CNTNAP3B: variants seen among roughly 807,000 people sequenced by gnomAD.
CNTNAP3B encodes contactin associated protein family member 3B, also known as contactin-associated protein-like 3B.
CNTNAP3B carries 25 observed loss-of-function variants against 108.9 expected under a neutral mutation model. That is an observed-to-expected ratio of 0.23 (90% CI 0.17 to 0.32). The LOEUF (loss-of-function observed/expected upper bound fraction) is 0.32. Among genes scored for constraint, CNTNAP3B ranks in the 10% least tolerant of loss-of-function variants. The pLI is 1.00. For missense variants in CNTNAP3B, 252 were observed against 1,210.4 expected (o/e 0.21, Z 11.75); for synonymous variants, 103 against 473.4 (o/e 0.22, Z 10.16).
At chr9:41,963,056 A>T (rs1825154207) in intron 11 of CNTNAP3B, among the ~76,000 whole-genome samples, 1 of 152,386 alleles carries the variant, frequency 6.6e-6, no homozygotes, top group Non-Finnish European at 1.5e-5. Context: ...TCAATCTGTG[A>T]GAGTCACTCC....
At position 42,030,809 on chromosome 9, in the gene CNTNAP3B, GAGAGGAGA is replaced by G. The variant is rs1334180019; in HGVS notation, c.391-17292_391-17285del. Among the ~76,000 whole-genome samples, 39 of 80,670 alleles carry G rather than the reference GAGAGGAGA, an allele frequency of 4.8e-4. 1 individual carries two copies. Among genetic ancestry groups the G allele is most frequent in the African/African-American group, 1.7e-3 (33 of 19,078 alleles). 52.9% of individuals were successfully genotyped at this position (80,670 alleles called of 152,430 possible). On this transcript the variant is annotated intron_variant, in intron 3 of 23. Coordinates refer to ENST00000377561, the MANE Select transcript of CNTNAP3B (RefSeq NM_001201380.3). ...GATGTGTGCGAGAGAGAGAGAGAGA[GAGAGGAGA>G]GAGAGAGAGAGAGAGAGAGAGAGAG...
rs1587130432 is a variant in CNTNAP3B at position 41,944,449 on chromosome 9, T to A, written c.2081-6049A>T. ...GCTGTGTTATAAAGTACCAGCACCA[T>A]TAATGAAGTGGAATAGTGTTATTTG... On this transcript the variant is annotated intron_variant, in intron 13 of 23. Coordinates refer to ENST00000377561, the MANE Select transcript of CNTNAP3B (RefSeq NM_001201380.3). Among the ~76,000 whole-genome samples the A allele has an allele frequency of 3.9e-5, 6 of 152,322 alleles. No individual in the cohort carries two copies. In the South Asian group the frequency reaches 1.2e-3, roughly 32 times the overall value.
At chr9:42,001,878 A>G (rs947020551) in intron 4 of CNTNAP3B, among the ~76,000 whole-genome samples, 4 of 130,972 alleles carry the variant, frequency 3.1e-5, no homozygotes, top group African/African-American at 1.3e-4. Flanking sequence ...CTAGTACACT[A>G]GAGTATATAC....
rs1396411834 is a variant in CNTNAP3B, at chr9:42,086,245, C to T, written c.197-9183G>A. On this transcript the variant is annotated intron_variant, in intron 2 of 23. Transcript: ENST00000377561. ...ACTACGAGAACAGTATGGGGGAAAC[C>T]GCCCCCATGATTCAGTTATCTCCCA... Among the ~76,000 whole-genome samples the T allele has an allele frequency of 2.7e-3, 383 of 141,680 alleles. 2 individuals are homozygous for T. Among genetic ancestry groups the T allele is most frequent in the African/African-American group, 0.01 (366 of 36,178 alleles). 92.9% of individuals were successfully genotyped at this position (141,680 alleles called of 152,430 possible). A position where few individuals can be genotyped will look rare whatever the true frequency, so the allele number is the denominator to read the frequency against.
chr9:42,104,700 G>T lies in CNTNAP3B; in HGVS notation c.125C>A (p.Ser42Ter). The T allele has an allele frequency of 8.7e-7, 1 of 1,152,200 alleles. No homozygotes were observed. Among genetic ancestry groups the T allele is most frequent in the Non-Finnish European group, 1.2e-6 (1 of 850,536 alleles). 71.4% of individuals were successfully genotyped at this position (1,152,200 alleles called of 1,614,324 possible). A position where few individuals can be genotyped will look rare whatever the true frequency, so the allele number is the denominator to read the frequency against. ...DSPLASALPR[S>*]SFSSSSELSS... ...CAGCTCTGAGGAGCTGCTGAAGGATGACCTAGGCAAGGCAGAGGCCAGTGG... is the reference window on the plus strand; with the variant it reads ...CAGCTCTGAGGAGCTGCTGAAGGATTACCTAGGCAAGGCAGAGGCCAGTGG... Residue 42 changes from serine (S) to a stop codon, truncating the protein, a stop_gained, in exon 2 of 24, where the codon TCA (serine) becomes TAA (stop). Transcript: ENST00000377561. LOFTEE classifies it high-confidence loss of function.
chr9:42,029,481 A>C (rs1452241582), intron 3 of CNTNAP3B, among the ~76,000 whole-genome samples: 1 of 123,478 alleles, frequency 8.1e-6, no homozygotes, highest in Non-Finnish European at 1.7e-5. Context: ...CCTTGTTGAC[A>C]TACAAAATAA....
At chr9:42,111,975 A>T (rs1417533356) in intron 1 of CNTNAP3B, among the ~76,000 whole-genome samples, 1 of 139,084 alleles carries the variant, frequency 7.2e-6, no homozygotes, top group Non-Finnish European at 1.5e-5. Flanking sequence ...GCTCCAATGG[A>T]TCCCCACTGC....
intron 3 of CNTNAP3B, among the ~76,000 whole-genome samples, chr9:42,032,739 G>A (rs1419094268): frequency 7.6e-6 from 1 of 132,286 alleles, no homozygotes; most frequent in African/African-American, 3.0e-5. Flanking sequence ...TGCAGACTGG[G>A]AGGTTTAAAT....
intron 3 of CNTNAP3B, among the ~76,000 whole-genome samples, chr9:42,060,014 T>C (rs1254798916): frequency 6.6e-6 from 1 of 151,360 alleles, no homozygotes; most frequent in Non-Finnish European, 1.5e-5. Context: ...GGATTTTTTT[T>C]CTTCTTTTTC....
intron 3 of CNTNAP3B, among the ~76,000 whole-genome samples, chr9:42,029,172 G>T (rs569878763): frequency 7.8e-6 from 1 of 127,568 alleles, no homozygotes; most frequent in Non-Finnish European, 1.7e-5. Context: ...GAGACCCCAG[G>T]GTGACTAATT....
intron 11 of CNTNAP3B, among the ~76,000 whole-genome samples, chr9:41,964,254 T>A (rs1186498316): frequency 8.6e-5 from 13 of 152,020 alleles, no homozygotes; most frequent in African/African-American, 2.9e-4. Context: ...ATTTTTAATT[T>A]AATTTAGTTT....
chr9:42,118,568 T>A lies in CNTNAP3B; in HGVS notation c.85+10442A>T, dbSNP rs1354897782. ...ATCTATGACAAACCCACAGCCAATATCATACTGAATGGACAAAAACTGGAA... is the reference window on the plus strand; with the variant it reads ...ATCTATGACAAACCCACAGCCAATAACATACTGAATGGACAAAAACTGGAA... On this transcript the variant is annotated intron_variant, in intron 1 of 23. Coordinates refer to ENST00000377561, the MANE Select transcript of CNTNAP3B (RefSeq NM_001201380.3). Among the ~76,000 whole-genome samples the A allele has an allele frequency of 3.9e-5, 5 of 127,084 alleles. 1 individual carries two copies. Among genetic ancestry groups the A allele is most frequent in the African/African-American group, 1.6e-4 (5 of 31,202 alleles). The allele number at this position is 127,084 out of a possible 152,430, so 83.4% of individuals were successfully genotyped here. A position where few individuals can be genotyped will look rare whatever the true frequency, so the allele number is the denominator to read the frequency against.
At chr9:41,933,725 G>C (rs1191798520) in intron 14 of CNTNAP3B, among the ~76,000 whole-genome samples, 3 of 152,252 alleles carry the variant, frequency 2.0e-5, no homozygotes, top group African/African-American at 7.2e-5. Flanking sequence ...TGCCAGGTTT[G>C]TTTCTTTTCC....
intron 2 of CNTNAP3B, among the ~76,000 whole-genome samples, chr9:42,095,732 T>C (rs1484433041): frequency 1.4e-5 from 2 of 138,554 alleles, no homozygotes; most frequent in Non-Finnish European, 3.1e-5. Flanking sequence ...GGGATAAGCC[T>C]GTCAGTTCGT....
chr9:42,103,363 G>T (rs1224659546), intron 2 of CNTNAP3B, among the ~76,000 whole-genome samples: 1 of 145,202 alleles, frequency 6.9e-6, no homozygotes. Context: ...GGTCCAATGT[G>T]CAATGCATTA....
intron 10 of CNTNAP3B, among the ~76,000 whole-genome samples, 161 bp from the exon 11 acceptor site, chr9:41,964,805 A>C (rs1485079099): frequency 2.6e-4 from 39 of 152,236 alleles, no homozygotes; most frequent in Non-Finnish European, 2.9e-5. Context: ...ATATTGACAA[A>C]CTTTAGATAA....
rs534623702 is a variant in CNTNAP3B, at chr9:41,965,119, C to T, written c.1650-475G>A. 2.6e-5 allele frequency among the ~76,000 whole-genome samples: 4 copies of T among 152,398 alleles called. No homozygotes were observed. In the East Asian group the frequency reaches 5.8e-4, roughly 22 times the overall value. On this transcript the variant is annotated intron_variant, in intron 10 of 23. Coordinates refer to ENST00000377561, the MANE Select transcript of CNTNAP3B (RefSeq NM_001201380.3). ...ACATTTAATTTAGGTCATCTTGTCG[C>T]CTTTTAGATTTGCAATAAGCAGTCG...
At chr9:41,918,982 A>T (rs1481840204) in intron 18 of CNTNAP3B, among the ~76,000 whole-genome samples, 2 of 152,124 alleles carry the variant, frequency 1.3e-5, no homozygotes, top group African/African-American at 4.8e-5. Flanking sequence ...TGCTGCTAAA[A>T]ATAGTAAGTG....
intron 10 of CNTNAP3B, among the ~76,000 whole-genome samples, chr9:41,966,138 C>A (rs1175281791): frequency 1.3e-5 from 2 of 152,304 alleles, no homozygotes; most frequent in Admixed American, 6.5e-5. Context: ...GGGGCCCACC[C>A]TCATACCATT....
Sources: allele counts gnomAD v4.1 joint callset (sites outside exome capture counted in the v4.1 genomes callset), GRCh38; gene constraint gnomAD v4.1.1; transcripts MANE v1.5; gene names NCBI Gene and HGNC (gene_info 2026-07-23, HGNC 2026-07-21).